ZFP28: variants seen among roughly 807,000 people sequenced by gnomAD.
The protein encoded by ZFP28 is zinc finger protein 28 homolog.
A neutral mutation model predicts 39.5 loss-of-function variants in ZFP28; 31 were observed. The observed-to-expected ratio is 0.79, with a 90% confidence interval of 0.59 to 1.06. The LOEUF (loss-of-function observed/expected upper bound fraction) is 1.06. Among genes scored for constraint, ZFP28 ranks in the 50% least tolerant of loss-of-function variants. The pLI, the probability that ZFP28 is intolerant of heterozygous loss-of-function variation, is 0.00. For missense variants in ZFP28, 925 were observed against 1,048.4 expected (o/e 0.88, Z 1.63); for synonymous variants, 400 against 378.6 (o/e 1.06, Z -0.66).
intron 7 of ZFP28, chr19:56,552,455 G>A (rs1423725176): frequency 2.6e-5 from 4 of 152,096 alleles, no homozygotes; most frequent in African/African-American, 7.2e-5. Flanking sequence ...TTGAGAATAT[G>A]TGCTCTTAAA....
chr19:56,547,423 G>C lies in ZFP28; in HGVS notation c.301-85G>C. ...GAGTTTAATGTAGGAGTTTTGTCAG[G>C]GGACACATTTCTTTCTATAACAAAC... On this transcript the variant is annotated intron_variant, in intron 2 of 7. Coordinates refer to ENST00000301318, the MANE Select transcript of ZFP28 (RefSeq NM_020828.2). The surrounding 1 kb of genome is among the most constrained non-coding windows in gnomAD (Gnocchi z 4.6). 6.3e-7 allele frequency: 1 copy of C among 1,595,828 alleles called. No homozygotes were observed.
At chr19:56,552,147 G>A in intron 7 of ZFP28, 1 of 398,104 alleles carries the variant, frequency 2.5e-6, no homozygotes, top group Non-Finnish European at 3.4e-6. Context: ...AAACATTTAG[G>A]AGGTCTTCTC....
At position 56,555,857 on chromosome 19, in the gene ZFP28, A is replaced by C. The variant is rs990981229; in HGVS notation, c.*465A>C. ...ATGTGACCTTGTTGGTGAGAAAATTAAACTTTACATTTGACTTGATTTGTT... is the reference window on the plus strand; with the variant it reads ...ATGTGACCTTGTTGGTGAGAAAATTCAACTTTACATTTGACTTGATTTGTT... On this transcript the variant is annotated 3_prime_UTR_variant, in exon 8 of 8. Coordinates refer to ENST00000301318, the MANE Select transcript of ZFP28 (RefSeq NM_020828.2). 2 of 154,608 alleles carry C rather than the reference A, an allele frequency of 1.3e-5. No individual in the cohort carries two copies. Among genetic ancestry groups the C allele is most frequent in the Non-Finnish European group, 2.9e-5 (2 of 69,902 alleles). 9.6% of individuals were successfully genotyped at this position (154,608 alleles called of 1,614,324 possible). A position where few individuals can be genotyped will look rare whatever the true frequency, so the allele number is the denominator to read the frequency against.
intron 2 of ZFP28, chr19:56,544,613 C>T (rs1448324835): frequency 6.6e-6 from 1 of 152,198 alleles, no homozygotes; most frequent in Non-Finnish European, 1.5e-5. Context: ...AAACCCAGCT[C>T]TACAGCTGAC....
At chr19:56,551,759 T>A in intron 7 of ZFP28, 2 of 984,596 alleles carry the variant, frequency 2.0e-6, no homozygotes, top group Non-Finnish European at 2.4e-6. Flanking sequence ...AAGTTGAACA[T>A]TTTTTCGTAA....
At chr19:56,542,481 T>C (rs544533296) in intron 2 of ZFP28, among the ~76,000 whole-genome samples, 74 of 152,344 alleles carry the variant, frequency 4.9e-4, no homozygotes, top group Admixed American at 1.6e-3. Context: ...CTGCATTTGG[T>C]TGAAAAAATT....
Position 56,555,543 on chromosome 19 carries a change from A to G in ZFP28, c.*151A>G. 2.6e-6 allele frequency: 3 copies of G among 1,137,086 alleles called. No homozygotes were observed. Among genetic ancestry groups the G allele is most frequent in the Non-Finnish European group, 3.7e-6 (3 of 811,594 alleles). 70.4% of individuals were successfully genotyped at this position (1,137,086 alleles called of 1,614,324 possible). A position where few individuals can be genotyped will look rare whatever the true frequency, so the allele number is the denominator to read the frequency against. On this transcript the variant is annotated 3_prime_UTR_variant, in exon 8 of 8. Transcript: ENST00000301318. ...CTCTTGTAAAACTTATAGTTTCTTT[A>G]AATTGGTTAATGTGTGAGATGTGCT...
At chr19:56,549,206 A>G (rs2044271325) in intron 5 of ZFP28, 85 bp downstream of exon 5, 1 of 1,440,758 alleles carries the variant, frequency 6.9e-7, no homozygotes, top group Non-Finnish European at 9.3e-7. Context: ...GACTACAACA[A>G]CTATAAGAGA....
At position 56,554,354 on chromosome 19, in the gene ZFP28, C is replaced by T. The variant is rs373172072; in HGVS notation, c.1569C>T (p.His523=). 1.8e-5 allele frequency: 29 copies of T among 1,613,922 alleles called. No individual in the cohort carries two copies. The highest frequency in any genetic ancestry group is 6.7e-5 in the African/African-American group (5 of 74,874). Residue 523 remains histidine (H), a synonymous_variant, in exon 8 of 8, where the codon CAC becomes CAT. Coordinates refer to ENST00000301318, the MANE Select transcript of ZFP28 (RefSeq NM_020828.2). This position sits in a 1 kb window ranked among gnomAD's most constrained non-coding sequence, Gnocchi z 6.7. ...GTGACCACATAGGGCTTAATCAACA[C>T]AGGAGAATTCATACTGGAGAGAAAC... The part of the protein sequence containing the change: ...AFSDHIGLNQ[H]RRIHTGEKPY...
Position 56,554,464 on chromosome 19 carries a change from C to T in ZFP28, c.1679C>T (p.Pro560Leu). 4 of 1,614,164 alleles carry T rather than the reference C, an allele frequency of 2.5e-6. No homozygotes were observed. The highest frequency in any genetic ancestry group is 3.4e-6 in the Non-Finnish European group (4 of 1,180,022). Reference protein sequence around the residue: ...VHQRIHTGEKPYECDVCRKAF... With the variant: ...VHQRIHTGEKLYECDVCRKAF... Reference sequence around the variant, plus strand: ...CAAAGGATTCATACCGGAGAAAAACCATATGAATGTGATGTTTGCAGAAAA... The same window carrying T: ...CAAAGGATTCATACCGGAGAAAAACTATATGAATGTGATGTTTGCAGAAAA... The change falls in exon 8 of 8, where the codon CCA (proline) becomes CTA (leucine). Residue 560 changes from proline (P) to leucine (L), a missense_variant. Pro to Leu is a moderately conservative substitution (Grantham distance 98). Coordinates refer to ENST00000301318, the MANE Select transcript of ZFP28 (RefSeq NM_020828.2). The surrounding 1 kb of genome is among the most constrained non-coding windows in gnomAD (Gnocchi z 6.7).
Position 56,547,552 on chromosome 19 carries a change from G to C in ZFP28, c.345G>C (p.Glu115Asp). Residue 115 changes from glutamate to aspartate, a missense_variant, in exon 3 of 8, where the codon GAG becomes GAC. Transcript: ENST00000301318. The surrounding 1 kb of genome is among the most constrained non-coding windows in gnomAD (Gnocchi z 4.6). ...ATGTGGCTGTAGATTTCTCCCAAGA[G>C]GAGTGGGAGTGGCTGAACCCCATTC... ...FGDVAVDFSQ[E>D]EWEWLNPIQR... is the part of the protein sequence containing the mutation. The C allele has an allele frequency of 6.2e-7, 1 of 1,614,174 alleles. No individual in the cohort carries two copies. The highest frequency in any genetic ancestry group is 8.5e-7 in the Non-Finnish European group (1 of 1,180,022).
At position 56,547,766 on chromosome 19, in the gene ZFP28, A is replaced by G; in HGVS notation, c.428-41A>G. On this transcript the variant is annotated intron_variant, in intron 3 of 7. Transcript: ENST00000301318. This position sits in a 1 kb window ranked among gnomAD's most constrained non-coding sequence, Gnocchi z 4.6. Reference sequence around the variant, plus strand: ...CCAAGGGGACTGCATCTCAGTCTGGACAGCCACACAGTATGACCAGGTTGT... The same window carrying G: ...CCAAGGGGACTGCATCTCAGTCTGGGCAGCCACACAGTATGACCAGGTTGT... 6.2e-7 allele frequency: 1 copy of G among 1,610,548 alleles called. No individual in the cohort carries two copies. Among genetic ancestry groups the G allele is most frequent in the Non-Finnish European group, 8.5e-7 (1 of 1,177,310 alleles).
In ZFP28 at chr19:56,539,171, T is replaced by C. The variant is rs745330454; in HGVS notation, c.153T>C (p.Asn51=). 6 of 1,602,492 alleles carry C rather than the reference T, an allele frequency of 3.7e-6. No individual in the cohort carries two copies. Among genetic ancestry groups the C allele is most frequent in the South Asian group, 2.2e-5 (2 of 89,744 alleles). ...LPARGRPRSR[N]GLASKGQRGA... ...CCCGGGGAAGGCCGCGCTCAAGGAA[T>C]GGCCTCGCATCCAAAGGCCAGCGAG... is the stretch of plus-strand genomic sequence containing the variant. The change falls in exon 1 of 8, where the codon AAT becomes AAC. Residue 51 remains asparagine (N), a synonymous_variant. Transcript: ENST00000301318.
At chr19:56,542,990 TC>T (rs1193016432) in intron 2 of ZFP28, among the ~76,000 whole-genome samples, 1 of 152,190 alleles carries the variant, frequency 6.6e-6, no homozygotes, top group Non-Finnish European at 1.5e-5. Context: ...GATTAAGGTT[TC>T]CTAAGCTTAT....
chr19:56,552,522 T>C (rs2044313142), intron 7 of ZFP28: 1 of 152,198 alleles, frequency 6.6e-6, no homozygotes, highest in South Asian at 2.1e-4. Flanking sequence ...GTCACATTTC[T>C]ATTGGGTTGT....
In ZFP28 at chr19:56,553,984, ATTTTC is replaced by A. The variant is rs1326172789; in HGVS notation, c.1200_1204del (p.Asn400LysfsTer22). The A allele has an allele frequency of 6.2e-7, 1 of 1,611,270 alleles. No homozygotes were observed. Among genetic ancestry groups the A allele is most frequent in the Non-Finnish European group, 8.5e-7 (1 of 1,179,358 alleles). On this transcript the variant is annotated frameshift_variant, in exon 8 of 8. Coordinates refer to ENST00000301318, the MANE Select transcript of ZFP28 (RefSeq NM_020828.2). LOFTEE classifies it low-confidence loss of function (END_TRUNC). ...GTTCATAATCGTGATTCAATTAAAA[ATTTTC>A]AAAAAAGTTCAGTGGTAATAAAACA...
chr19:56,548,102 T>C (rs894044613), intron 4 of ZFP28, among the ~76,000 whole-genome samples, 200 bp downstream of exon 4: 3 of 152,248 alleles, frequency 2.0e-5, no homozygotes, highest in Non-Finnish European at 4.4e-5. Flanking sequence ...ATTAGAATTA[T>C]AGATTTCTTT....
Position 56,556,776 on chromosome 19 carries a change from A to T in ZFP28, c.*1384A>T, listed in dbSNP as rs2044356253. 1 of 152,242 alleles carries T rather than the reference A, an allele frequency of 6.6e-6. No individual in the cohort carries two copies. The highest frequency in any genetic ancestry group is 6.5e-5 in the Admixed American group (1 of 15,286). The allele number at this position is 152,242 out of a possible 1,614,324, so 9.4% of individuals were successfully genotyped here. A position where few individuals can be genotyped will look rare whatever the true frequency, so the allele number is the denominator to read the frequency against. ...ACTATATTGAAAAATAAAGATGTCAATAAAAGGAGAAATGATATTTTTCTA... is the reference window on the plus strand; with the variant it reads ...ACTATATTGAAAAATAAAGATGTCATTAAAAGGAGAAATGATATTTTTCTA... On this transcript the variant is annotated 3_prime_UTR_variant, in exon 8 of 8. Transcript: ENST00000301318.
intron 2 of ZFP28, among the ~76,000 whole-genome samples, chr19:56,543,202 TC>T (rs1285307800): frequency 1.3e-5 from 2 of 151,592 alleles, no homozygotes; most frequent in Non-Finnish European, 2.9e-5. Context: ...ATAAAGTACT[TC>T]ATATTCATTC....
Sources: gnomAD v4.1 joint callset for allele counts (sites outside exome capture counted in the v4.1 genomes callset) on GRCh38, gnomAD v4.1.1 for gene constraint, Gnocchi (gnomAD v3.1) non-coding constraint, MANE v1.5 for transcripts, NCBI Gene and HGNC (gene_info 2026-07-23, HGNC 2026-07-21) for gene names.